TSC22D3: variants seen among roughly 807,000 people sequenced by gnomAD.
The protein encoded by TSC22D3 is TSC22 domain family member 3.
TSC22D3 carries 4 observed loss-of-function variants against 11.1 expected under a neutral mutation model. That is an observed-to-expected ratio of 0.36 (90% confidence interval 0.18 to 0.83). The LOEUF (loss-of-function observed/expected upper bound fraction) is 0.83. Among genes scored for constraint, TSC22D3 ranks in the 40% least tolerant of loss-of-function variants. The pLI is 0.48. For synonymous variants in TSC22D3, 77 were observed against 70.3 expected (o/e 1.10, Z -0.48); for missense variants, 118 against 159.4 (o/e 0.74, Z 1.40).
chrX:107,733,293 A>C (rs946809510), intron 1 of TSC22D3, among the ~76,000 whole-genome samples: 1 of 111,722 alleles, frequency 9.0e-6, no homozygotes, highest in African/African-American at 3.3e-5. Context: ...ATAGAGAGAG[A>C]GCATGCGCAC....
intron 1 of TSC22D3, among the ~76,000 whole-genome samples, chrX:107,772,350 C>T (rs1929940056): frequency 9.0e-6 from 1 of 111,593 alleles, no homozygotes; most frequent in Admixed American, 9.5e-5. Flanking sequence ...GAAGTAAAAA[C>T]GATGGCTGAA....
rs755942363 is a variant in TSC22D3, at chrX:107,765,853, A to G, written c.320+9247T>C. Among the ~76,000 whole-genome samples the G allele has an allele frequency of 1.6e-4, 18 of 112,189 alleles. No homozygotes were observed. The East Asian group carries it at 5.0e-3, about 31-fold the overall frequency. Reference sequence around the variant, plus strand: ...CCCCTAATTTTCACTGGATTCTGTGATCTGGGGGACTAAGGGTGCCAAGCT... The same window carrying G: ...CCCCTAATTTTCACTGGATTCTGTGGTCTGGGGGACTAAGGGTGCCAAGCT... On this transcript the variant is annotated intron_variant, in intron 1 of 2. Transcript: ENST00000372383.
intron 1 of TSC22D3, among the ~76,000 whole-genome samples, chrX:107,760,557 A>T (rs934695406): frequency 2.7e-5 from 3 of 110,397 alleles, no homozygotes; most frequent in African/African-American, 6.6e-5. Context: ...GGCTGAGAAA[A>T]CTCCTACCAG....
chrX:107,733,816 C>T (rs760947443), intron 1 of TSC22D3, among the ~76,000 whole-genome samples: 1 of 111,932 alleles, frequency 8.9e-6, no homozygotes, highest in Non-Finnish European at 1.9e-5. Context: ...TGGTTACTTG[C>T]GCTGGGGAAG....
intron 1 of TSC22D3, among the ~76,000 whole-genome samples, chrX:107,745,559 T>C (rs1300831047): frequency 2.7e-5 from 3 of 112,492 alleles, no homozygotes; most frequent in Non-Finnish European, 5.6e-5. Context: ...ATCAGAACTG[T>C]CTCTAGTTTG....
chrX:107,769,337 T>C (rs1929798853), intron 1 of TSC22D3, among the ~76,000 whole-genome samples: 2 of 112,659 alleles, frequency 1.8e-5, no homozygotes, highest in Admixed American at 1.9e-4. Flanking sequence ...TACTGATATG[T>C]GCTACAACAT....
intron 1 of TSC22D3, among the ~76,000 whole-genome samples, chrX:107,759,303 C>T (rs1929326015): frequency 9.0e-6 from 1 of 111,121 alleles, no homozygotes. Flanking sequence ...TGCCCAATAC[C>T]ATTCTGACAT....
chrX:107,748,610 A>C (rs1928780555), intron 1 of TSC22D3, among the ~76,000 whole-genome samples: 1 of 110,247 alleles, frequency 9.1e-6, no homozygotes, highest in African/African-American at 3.3e-5. Flanking sequence ...CCTTGTTCCA[A>C]CTCTTGTTCC....
chrX:107,730,520 C>A (rs1007775695), intron 1 of TSC22D3, among the ~76,000 whole-genome samples: 1 of 111,354 alleles, frequency 9.0e-6, no homozygotes, highest in Non-Finnish European at 1.9e-5. Context: ...AAGAGTAAGC[C>A]CCCCCGGAAT....
rs141852427 is a variant in TSC22D3, at chrX:107,732,962, A to T, written c.321-17012T>A. The stretch of plus-strand genomic sequence containing the variant: ...AAGAATTTTTAAAAATTAGCCAGGC[A>T]TGGTGGTGCACACCTGTAGTCTCAG... On this transcript the variant is annotated intron_variant, in intron 1 of 2. Transcript: ENST00000372383. Among the ~76,000 whole-genome samples, 21 of 110,396 alleles carry T rather than the reference A, an allele frequency of 1.9e-4. 1 individual carries two copies. Among genetic ancestry groups the T allele is most frequent in the African/African-American group, 7.0e-4 (21 of 30,200 alleles).
chrX:107,754,025 C>T (rs895858070), intron 1 of TSC22D3, among the ~76,000 whole-genome samples: 14 of 110,211 alleles, frequency 1.3e-4, no homozygotes, highest in Non-Finnish European at 2.3e-4. Context: ...AAGTGATTCT[C>T]CTGTCTCAGC....
At chrX:107,721,945 C>T in intron 1 of TSC22D3, 1 of 493,615 alleles carries the variant, frequency 2.0e-6, no homozygotes, top group Non-Finnish European at 3.7e-6. Context: ...TATCTTCTCT[C>T]TTCCCTTCTG....
intron 1 of TSC22D3, among the ~76,000 whole-genome samples, chrX:107,764,571 T>C (rs747942235): frequency 8.9e-6 from 1 of 112,106 alleles, no homozygotes; most frequent in African/African-American, 3.2e-5. Flanking sequence ...CTTTCATTTA[T>C]AGGGTATCTG....
rs771280473 is a variant in TSC22D3 at position 107,714,401 on chromosome X, C to T, written c.*118G>A. ...ATGTCCTTAGGACATCTCTTGGCAC[C>T]AGCTGTGCTAGGTGTAAAGTTCTCC... On this transcript the variant is annotated 3_prime_UTR_variant, in exon 3 of 3. Coordinates refer to ENST00000372383, the MANE Select transcript of TSC22D3 (RefSeq NM_198057.3). The T allele has an allele frequency of 3.1e-6, 2 of 648,161 alleles. No homozygotes were observed. The highest frequency in any genetic ancestry group is 7.1e-5 in the East Asian group (2 of 28,165). 53.4% of individuals were successfully genotyped at this position (648,161 alleles called of 1,213,427 possible).
At chrX:107,718,922 T>TAA (rs950772453) in intron 1 of TSC22D3, among the ~76,000 whole-genome samples, 6 of 103,447 alleles carry the variant, frequency 5.8e-5, no homozygotes, top group Non-Finnish European at 1.2e-4. Context: ...GAACATTCAC[T>TAA]AAAAAAAAAA....
intron 1 of TSC22D3, chrX:107,722,381 A>G (rs1017621921): frequency 1.4e-4 from 16 of 113,222 alleles, no homozygotes; most frequent in African/African-American, 5.2e-4. Flanking sequence ...TCTCTGAGTG[A>G]CACAAGGGAT....
At chrX:107,754,068 A>C (rs1929059966) in intron 1 of TSC22D3, among the ~76,000 whole-genome samples, 1 of 110,761 alleles carries the variant, frequency 9.0e-6, no homozygotes, top group African/African-American at 3.3e-5. Flanking sequence ...GAAGCGTGCC[A>C]CCACGCCTAG....
At chrX:107,772,057 C>G (rs1270736456) in intron 1 of TSC22D3, among the ~76,000 whole-genome samples, 1 of 112,365 alleles carries the variant, frequency 8.9e-6, no homozygotes, top group Non-Finnish European at 1.9e-5. Context: ...GAAAACCAAG[C>G]AAGTAAAACA....
chrX:107,775,135 G>A lies in TSC22D3; in HGVS notation c.285C>T (p.Asp95=). The stretch of plus-strand genomic sequence containing the variant: ...AGAGCAGGATGGAGAGCATGGTCTG[G>A]TCGATGTTGCGGTTGCAGATGCCCT... ...INEGICNRNI[D]QTMLSILLFF... The change falls in exon 1 of 3, where the codon GAC becomes GAT. Residue 95 remains aspartate, a synonymous_variant. Transcript: ENST00000372383. 8.3e-7 allele frequency: 1 copy of A among 1,212,114 alleles called. No homozygotes were observed. The highest frequency in any genetic ancestry group is 1.8e-5 in the South Asian group (1 of 57,000).
Sources: allele counts gnomAD v4.1 joint callset (sites outside exome capture counted in the v4.1 genomes callset), GRCh38; gene constraint gnomAD v4.1.1; transcripts MANE v1.5; gene names NCBI Gene and HGNC (gene_info 2026-07-23, HGNC 2026-07-21).